Variants in NPFFR2 observed in about 807,000 individuals in gnomAD.
NPFFR2 encodes neuropeptide FF receptor 2, also known as G-protein coupled receptor 74.
In NPFFR2, 15 loss-of-function variants were observed where a neutral mutation model predicts 13.1. That is an observed-to-expected ratio of 1.15 (90% CI 0.77 to 1.76). NPFFR2 has a LOEUF of 1.76. Ranked by LOEUF, NPFFR2 falls within the 40% of genes most tolerant of loss-of-function variation. The pLI is 0.00. For synonymous variants in NPFFR2, 190 were observed against 175.7 expected (o/e 1.08, Z -0.65); for missense variants, 572 against 503.5 (o/e 1.14, Z -1.30).
chr4:72,112,605 G>A (rs76390256), intron 1 of NPFFR2, among the ~76,000 whole-genome samples: 1,694 of 152,048 alleles, frequency 0.011, 18 homozygotes, highest in South Asian at 0.041. Context: ...AATTGATTGC[G>A]TCTTTCTGAT....
At chr4:72,032,914 T>A (rs1718962577) in intron 1 of NPFFR2, among the ~76,000 whole-genome samples, 1 of 152,196 alleles carries the variant, frequency 6.6e-6, no homozygotes, top group Non-Finnish European at 1.5e-5. Flanking sequence ...ATCTCCCATT[T>A]CCCCTCAGCT....
At chr4:72,086,266 CTTG>C (rs1249544749) in intron 1 of NPFFR2, among the ~76,000 whole-genome samples, 2 of 151,908 alleles carry the variant, frequency 1.3e-5, no homozygotes, top group African/African-American at 2.4e-5. Flanking sequence ...GGTTTAGATC[CTTG>C]TTGTTTTGCA....
intron 1 of NPFFR2, among the ~76,000 whole-genome samples, chr4:72,122,088 A>AG (rs778959214): frequency 3.9e-5 from 6 of 152,214 alleles, no homozygotes; most frequent in Non-Finnish European, 5.9e-5. Flanking sequence ...CAAAAAAAAA[A>AG]GCAGGGGTTG....
At chr4:72,049,034 G>A (rs538228877) in intron 1 of NPFFR2, among the ~76,000 whole-genome samples, 2 of 152,066 alleles carry the variant, frequency 1.3e-5, no homozygotes, top group East Asian at 3.9e-4. Flanking sequence ...ATAAAGAAAA[G>A]GAAGAAAGTT....
Position 72,077,977 on chromosome 4 carries a change from G to A in NPFFR2, c.-8+45777G>A, listed in dbSNP as rs1266176807. Reference sequence around the variant, plus strand: ...TTGTGTGCATGTGTGTAGTGGTTGTGTGGTGGTGTCATTTCCTTTTTTTGT... The same window carrying A: ...TTGTGTGCATGTGTGTAGTGGTTGTATGGTGGTGTCATTTCCTTTTTTTGT... On this transcript the variant is annotated intron_variant, in intron 1 of 3. Transcript: ENST00000308744. Among the ~76,000 whole-genome samples, 3 of 152,000 alleles carry A rather than the reference G, an allele frequency of 2.0e-5. No homozygotes were observed. In the East Asian group the frequency reaches 5.8e-4, roughly 29 times the overall value.
chr4:72,121,766 A>G (rs1249663336), intron 1 of NPFFR2, among the ~76,000 whole-genome samples: 2 of 152,364 alleles, frequency 1.3e-5, no homozygotes, highest in East Asian at 3.9e-4. Context: ...AAACATGGAA[A>G]GGAAAAACCG....
At chr4:72,132,946 G>A (rs1722299473) in intron 2 of NPFFR2, among the ~76,000 whole-genome samples, 1 of 152,092 alleles carries the variant, frequency 6.6e-6, no homozygotes. Context: ...TATGTAGGTT[G>A]TCTCTTTACT....
intron 1 of NPFFR2, among the ~76,000 whole-genome samples, chr4:72,046,008 T>A (rs12696717): frequency 1.3e-5 from 2 of 152,006 alleles, no homozygotes; most frequent in Non-Finnish European, 2.9e-5. Context: ...GCAGTATTAT[T>A]TATAATAAAA....
intron 1 of NPFFR2, among the ~76,000 whole-genome samples, chr4:72,102,487 A>T (rs1018090633): frequency 2.0e-5 from 3 of 150,902 alleles, no homozygotes; most frequent in Admixed American, 2.0e-4. Flanking sequence ...TTAACTCGTC[A>T]TTTACATTAG....
intron 1 of NPFFR2, among the ~76,000 whole-genome samples, chr4:72,089,779 C>T (rs1720865784): frequency 6.6e-6 from 1 of 152,124 alleles, no homozygotes; most frequent in Non-Finnish European, 1.5e-5. Flanking sequence ...TACCTGTCTA[C>T]TCTGCTGATT....
chr4:72,109,134 A>G (rs1210315443), intron 1 of NPFFR2, among the ~76,000 whole-genome samples: 1 of 152,018 alleles, frequency 6.6e-6, no homozygotes, highest in Admixed American at 6.6e-5. Flanking sequence ...GATTACTAAG[A>G]ACCCAATATT....
chr4:72,146,831 G>A (rs1301837082), intron 3 of NPFFR2, 147 bp from the exon 4 acceptor site: 5 of 621,152 alleles, frequency 8.0e-6, no homozygotes, highest in Non-Finnish European at 1.4e-5. Flanking sequence ...AAATGACAAT[G>A]CATGCCTTTC....
chr4:72,093,405 A>G (rs1720966705), intron 1 of NPFFR2, among the ~76,000 whole-genome samples: 1 of 152,166 alleles, frequency 6.6e-6, no homozygotes, highest in Non-Finnish European at 1.5e-5. Flanking sequence ...GTTTTTCTTG[A>G]TTATTTCCTC....
intron 1 of NPFFR2, among the ~76,000 whole-genome samples, chr4:72,097,544 G>T (rs1436127774): frequency 6.6e-6 from 1 of 152,096 alleles, no homozygotes; most frequent in South Asian, 2.1e-4. Flanking sequence ...TATAGTAAAA[G>T]CTTCACTGTA....
chr4:72,079,945 G>A (rs1332528344), intron 1 of NPFFR2, among the ~76,000 whole-genome samples: 1 of 152,120 alleles, frequency 6.6e-6, no homozygotes, highest in African/African-American at 2.4e-5. Flanking sequence ...AAAGGGAAAA[G>A]AAACCAACTT....
At chr4:72,135,170 T>A (rs994070806) in intron 2 of NPFFR2, among the ~76,000 whole-genome samples, 14 of 152,206 alleles carry the variant, frequency 9.2e-5, no homozygotes, top group Non-Finnish European at 1.9e-4. Context: ...ATTTGTATTT[T>A]GTTTTTCTTA....
At position 72,075,957 on chromosome 4, in the gene NPFFR2, T is replaced by TCA. The variant is rs34381564; in HGVS notation, c.-8+43774_-8+43775dup. On this transcript the variant is annotated intron_variant, in intron 1 of 3. Transcript: ENST00000308744. ...GTAAATCAATCTCTCTCTCTCTCTG[T>TCA]CACACACACACACACACATACACAC... Among the ~76,000 whole-genome samples, 374 of 104,446 alleles carry TCA rather than the reference T, an allele frequency of 3.6e-3. 3 individuals are homozygous for TCA. Among genetic ancestry groups the TCA allele is most frequent in the African/African-American group, 0.013 (355 of 27,100 alleles). 68.5% of individuals were successfully genotyped at this position (104,446 alleles called of 152,430 possible).
chr4:72,042,813 A>C (rs893328821), intron 1 of NPFFR2, among the ~76,000 whole-genome samples: 2 of 152,250 alleles, frequency 1.3e-5, no homozygotes, highest in Non-Finnish European at 2.9e-5. Context: ...GTGCAGGCTG[A>C]TTATGAAGTG....
intron 1 of NPFFR2, among the ~76,000 whole-genome samples, chr4:72,116,864 G>A (rs1236459966): frequency 1.3e-5 from 2 of 151,986 alleles, no homozygotes; most frequent in African/African-American, 4.8e-5. Context: ...TTTAGTTGTA[G>A]TTGTTAGGGT....
Sources: gnomAD v4.1 joint callset for allele counts (sites outside exome capture counted in the v4.1 genomes callset) on GRCh38, gnomAD v4.1.1 for gene constraint, MANE v1.5 for transcripts, NCBI Gene and HGNC (gene_info 2026-07-23, HGNC 2026-07-21) for gene names.